CSMD3: variants seen among roughly 807,000 people sequenced by gnomAD.
CSMD3 encodes the protein CUB and sushi domain-containing protein 3.
CSMD3 carries 177 observed loss-of-function variants against 435.2 expected under a neutral mutation model. The observed-to-expected ratio is 0.41, with a 90% CI of 0.36 to 0.46. The LOEUF (loss-of-function observed/expected upper bound fraction) is 0.46, where lower values mean the gene tolerates loss of function less well. Among genes scored for constraint, CSMD3 ranks in the 20% least tolerant of loss-of-function variants. The pLI, the probability that CSMD3 is intolerant of heterozygous loss-of-function variation, is 0.34. For synonymous variants in CSMD3, 1,656 were observed against 1,520.5 expected (o/e 1.09, Z -2.07); for missense variants, 4,265 against 4,504.6 (o/e 0.95, Z 1.52).
At chr8:113,140,222 A>C (rs956969637) in intron 4 of CSMD3, among the ~76,000 whole-genome samples, 3 of 151,060 alleles carry the variant, frequency 2.0e-5, no homozygotes, top group African/African-American at 7.3e-5. Context: ...ATGTGTATGC[A>C]CCAAAAAACA....
chr8:112,471,710 G>A (rs183379491), intron 32 of CSMD3, among the ~76,000 whole-genome samples: 2 of 152,244 alleles, frequency 1.3e-5, no homozygotes, highest in East Asian at 3.9e-4. Flanking sequence ...AAGTCAAGAT[G>A]CTATTCAGCT....
intron 50 of CSMD3, among the ~76,000 whole-genome samples, chr8:112,306,843 T>C (rs1263758654): frequency 6.6e-6 from 1 of 152,306 alleles, no homozygotes; most frequent in Non-Finnish European, 1.5e-5. Flanking sequence ...TTGATTTTTA[T>C]CTACAATACA....
intron 3 of CSMD3, among the ~76,000 whole-genome samples, chr8:113,199,830 C>T (rs1564418560): frequency 6.6e-6 from 1 of 151,680 alleles, no homozygotes; most frequent in Admixed American, 6.6e-5. Flanking sequence ...AAAAAAATGA[C>T]TTATTAAAGG....
chr8:113,384,374 A>G (rs773354806), intron 1 of CSMD3, among the ~76,000 whole-genome samples: 11 of 152,198 alleles, frequency 7.2e-5, no homozygotes, highest in Non-Finnish European at 1.6e-4. Flanking sequence ...ATGGAAATCT[A>G]TATAGTGTAT....
chr8:112,847,314 A>G (rs2129659181), intron 11 of CSMD3, among the ~76,000 whole-genome samples: 1 of 152,202 alleles, frequency 6.6e-6, no homozygotes, highest in East Asian at 1.9e-4. Context: ...AGGCTACAGG[A>G]GCCCACTTGG....
At chr8:113,158,280 A>T (rs1039646644) in intron 4 of CSMD3, among the ~76,000 whole-genome samples, 6 of 152,050 alleles carry the variant, frequency 3.9e-5, no homozygotes, top group African/African-American at 1.4e-4. Flanking sequence ...TAACGCTACC[A>T]TGAGTGTAGG....
intron 2 of CSMD3, among the ~76,000 whole-genome samples, chr8:113,281,630 AAGTG>A (rs1563647559): frequency 6.6e-6 from 1 of 151,920 alleles, no homozygotes; most frequent in South Asian, 2.1e-4. Context: ...TGTATCTTTT[AAGTG>A]GAGCATTTAG....
intron 5 of CSMD3, among the ~76,000 whole-genome samples, chr8:113,057,908 A>G (rs1056811523): frequency 1.3e-5 from 2 of 151,826 alleles, no homozygotes; most frequent in Non-Finnish European, 2.9e-5. Flanking sequence ...GTATTGAACT[A>G]CATTGTAATA....
Position 112,945,155 on chromosome 8 carries a change from T to C in CSMD3, c.1508+2635A>G, listed in dbSNP as rs138472324. On this transcript the variant is annotated intron_variant, in intron 9 of 70. Coordinates refer to ENST00000297405, the MANE Select transcript of CSMD3 (RefSeq NM_198123.2). ...CTCATGTTGTTCAAGCCTTGAAAAT[T>C]GAGCCTCATCCTTAATTCTTTCCTT... is the stretch of plus-strand genomic sequence containing the variant. Among the ~76,000 whole-genome samples, 21 of 151,764 alleles carry C rather than the reference T, an allele frequency of 1.4e-4. No homozygotes were observed. In the East Asian group the frequency reaches 4.1e-3, roughly 30 times the overall value.
intron 5 of CSMD3, among the ~76,000 whole-genome samples, chr8:113,060,726 G>C (rs2088576851): frequency 6.6e-6 from 1 of 152,006 alleles, no homozygotes; most frequent in Non-Finnish European, 1.5e-5. Flanking sequence ...AAAGCAAAGG[G>C]GTTGTCTCAA....
In CSMD3 at chr8:112,329,978, C is replaced by G. The variant is rs566300368; in HGVS notation, c.7165+5351G>C. On this transcript the variant is annotated intron_variant, in intron 45 of 70. Transcript: ENST00000297405. The stretch of plus-strand genomic sequence containing the variant: ...CATACATTATTACACGATGTCCATA[C>G]CCCCGTTCTCTCTGGACATCAAATA... Among the ~76,000 whole-genome samples, 16 of 152,068 alleles carry G rather than the reference C, an allele frequency of 1.1e-4. No homozygotes were observed. In the South Asian group the frequency reaches 3.3e-3, roughly 32 times the overall value.
At chr8:112,241,042 A>C (rs1814080775) in intron 66 of CSMD3, among the ~76,000 whole-genome samples, 1 of 152,040 alleles carries the variant, frequency 6.6e-6, no homozygotes, top group African/African-American at 2.4e-5. Flanking sequence ...GGAGTGTGAA[A>C]ACGAACTAAT....
At chr8:113,379,714 A>G (rs896860837) in intron 1 of CSMD3, among the ~76,000 whole-genome samples, 1 of 152,356 alleles carries the variant, frequency 6.6e-6, no homozygotes, top group African/African-American at 2.4e-5. Flanking sequence ...ATCTAATAAT[A>G]TAATATCTGT....
At chr8:113,154,100 T>G (rs1459178336) in intron 4 of CSMD3, among the ~76,000 whole-genome samples, 1 of 152,062 alleles carries the variant, frequency 6.6e-6, no homozygotes, top group African/African-American at 2.4e-5. Flanking sequence ...TGGACCTGTG[T>G]TTTCACGTAA....
chr8:113,304,681 G>A (rs866796278), intron 2 of CSMD3, among the ~76,000 whole-genome samples: 12 of 131,014 alleles, frequency 9.2e-5, no homozygotes, highest in Non-Finnish European at 1.4e-4. Flanking sequence ...ACCAAACACC[G>A]CATATTCTCA....
chr8:113,341,961 T>C (rs1050299047), intron 1 of CSMD3, among the ~76,000 whole-genome samples: 3 of 152,126 alleles, frequency 2.0e-5, no homozygotes, highest in African/African-American at 7.2e-5. Context: ...TGTAACCTCT[T>C]TGTATTGATT....
At chr8:112,597,714 T>G (rs902970158) in intron 22 of CSMD3, among the ~76,000 whole-genome samples, 1 of 136,704 alleles carries the variant, frequency 7.3e-6, no homozygotes, top group Non-Finnish European at 1.5e-5. Context: ...TGGTTCAATA[T>G]ACGCAAATCA....
intron 7 of CSMD3, 149 bp from the exon 8 acceptor site, chr8:112,954,910 A>G (rs901240211): frequency 9.7e-6 from 6 of 617,188 alleles, no homozygotes; most frequent in Non-Finnish European, 1.7e-5. Flanking sequence ...TTTTTTTTAA[A>G]GCAATATAAT....
At chr8:112,296,133 A>G in intron 53 of CSMD3, 127 bp from the exon 54 acceptor site, 1 of 743,668 alleles carries the variant, frequency 1.3e-6, no homozygotes, top group Non-Finnish European at 2.3e-6. Flanking sequence ...ATTCAATTAT[A>G]ACTATATGAC....
Sources: gnomAD v4.1 joint callset for allele counts (sites outside exome capture counted in the v4.1 genomes callset) on GRCh38, gnomAD v4.1.1 for gene constraint, MANE v1.5 for transcripts, NCBI Gene and HGNC (gene_info 2026-07-23, HGNC 2026-07-21) for gene names.